DIAPH3: variants seen among roughly 807,000 people sequenced by gnomAD.
DIAPH3 encodes diaphanous related formin 3.
In DIAPH3, 117 loss-of-function variants were observed where a neutral mutation model predicts 144.3. The observed-to-expected ratio is 0.81, with a 90% CI of 0.70 to 0.95. The LOEUF (loss-of-function observed/expected upper bound fraction) is 0.95. Ranked by LOEUF, DIAPH3 falls within the 40% of genes least tolerant of loss-of-function variation. The pLI, the probability that DIAPH3 is intolerant of heterozygous loss-of-function variation, is 0.00. For synonymous variants in DIAPH3, 519 were observed against 488.9 expected, an observed-to-expected ratio of 1.06 and a Z score of -0.81; for missense variants, 1,421 against 1,412.7, an observed-to-expected ratio of 1.01 and a Z score of -0.09.
At position 59,970,975 on chromosome 13, in the gene DIAPH3, T is replaced by TGGA; in HGVS notation, c.1833_1835dup (p.Pro615dup). On this transcript the variant is annotated inframe_insertion, in exon 16 of 28. Coordinates refer to ENST00000400324, the MANE Select transcript of DIAPH3 (RefSeq NM_001042517.2). Reference sequence around the variant, plus strand: ...CTCCAAGGAATCCCAGGGGAGGTGGTGGAGGCACAGGACCACTGAATGGCA... The same window carrying TGGA: ...CTCCAAGGAATCCCAGGGGAGGTGGTGGAGGAGGCACAGGACCACTGAATGGCA... 6.2e-7 allele frequency: 1 copy of TGGA among 1,613,460 alleles called. No individual in the cohort carries two copies. Among genetic ancestry groups the TGGA allele is most frequent in the Non-Finnish European group, 8.5e-7 (1 of 1,179,802 alleles).
At chr13:60,056,425 T>C (rs1234126042) in intron 4 of DIAPH3, among the ~76,000 whole-genome samples, 1 of 151,838 alleles carries the variant, frequency 6.6e-6, no homozygotes, top group Admixed American at 6.6e-5. Context: ...GTATTTCATA[T>C]ACACACATAC....
chr13:59,827,173 T>C (rs976822631), intron 24 of DIAPH3, among the ~76,000 whole-genome samples: 6 of 151,922 alleles, frequency 3.9e-5, no homozygotes, highest in Admixed American at 2.6e-4. Context: ...AAAGCCAAAA[T>C]TGACAAATGG....
intron 3 of DIAPH3, among the ~76,000 whole-genome samples, chr13:60,097,442 C>T (rs1239994229): frequency 6.6e-6 from 1 of 152,174 alleles, no homozygotes; most frequent in African/African-American, 2.4e-5. Flanking sequence ...ACCATGTGAT[C>T]TCTGCACACA....
chr13:59,831,555 C>A (rs953834991), intron 24 of DIAPH3, among the ~76,000 whole-genome samples: 9 of 151,916 alleles, frequency 5.9e-5, no homozygotes, highest in South Asian at 2.1e-4. Flanking sequence ...TTAGCATAGA[C>A]TGCCTGGAAG....
chr13:59,789,368 A>G (rs927727720), intron 25 of DIAPH3, among the ~76,000 whole-genome samples: 1 of 152,218 alleles, frequency 6.6e-6, no homozygotes, highest in African/African-American at 2.4e-5. Flanking sequence ...CTTAAGCTTG[A>G]CAAATGCTTA....
chr13:60,160,172 C>T lies in DIAPH3; in HGVS notation c.180+3415G>A, dbSNP rs191903383. On this transcript the variant is annotated intron_variant, in intron 1 of 27. Transcript: ENST00000400324. The stretch of plus-strand genomic sequence containing the variant: ...CCGAGAGGCGGAGCTTGCAGTGAGC[C>T]GAGATCACGCCTCTGCACTCCAGCC... Among the ~76,000 whole-genome samples, 304 of 152,018 alleles carry T rather than the reference C, an allele frequency of 2.0e-3. 2 individuals carry two copies. Among genetic ancestry groups the T allele is most frequent in the African/African-American group, 7.0e-3 (290 of 41,454 alleles).
intron 27 of DIAPH3, among the ~76,000 whole-genome samples, chr13:59,763,880 G>T (rs2037740335): frequency 2.6e-5 from 4 of 152,034 alleles, no homozygotes; most frequent in Admixed American, 2.0e-4. Context: ...AACATTTTGT[G>T]TGAATAAGTA....
intron 4 of DIAPH3, among the ~76,000 whole-genome samples, chr13:60,052,532 T>G (rs2056389358): frequency 6.6e-6 from 1 of 152,066 alleles, no homozygotes; most frequent in South Asian, 2.1e-4. Context: ...GTATAAGAAG[T>G]CTGTCATACA....
intron 9 of DIAPH3, among the ~76,000 whole-genome samples, chr13:60,001,019 C>T (rs183929771): frequency 3.4e-4 from 52 of 152,258 alleles, no homozygotes; most frequent in African/African-American, 1.2e-3. Flanking sequence ...CTGGGTCTCT[C>T]ATATTTCATT....
intron 17 of DIAPH3, among the ~76,000 whole-genome samples, chr13:59,933,872 G>A (rs1224162581): frequency 1.3e-5 from 2 of 152,048 alleles, no homozygotes; most frequent in African/African-American, 4.8e-5. Context: ...GCAAAATTAT[G>A]TAAAGAATAT....
chr13:60,043,674 C>A (rs1266217383), intron 4 of DIAPH3, among the ~76,000 whole-genome samples: 1 of 152,106 alleles, frequency 6.6e-6, no homozygotes, highest in Non-Finnish European at 1.5e-5. Flanking sequence ...ATTCAACAAA[C>A]ATTAAGTACC....
rs76297410 is a variant in DIAPH3 at position 59,892,255 on chromosome 13, G to C, written c.2368-12787C>G. Reference sequence around the variant, plus strand: ...AGGAAGTGGCATTTGGGCCCAAGAGGAAACAGCAAGAGGAAAACCTAAAAT... The same window carrying C: ...AGGAAGTGGCATTTGGGCCCAAGAGCAAACAGCAAGAGGAAAACCTAAAAT... On this transcript the variant is annotated intron_variant, in intron 20 of 27. Transcript: ENST00000400324. Among the ~76,000 whole-genome samples, 1,240 of 151,984 alleles carry C rather than the reference G, an allele frequency of 8.2e-3. 12 individuals are homozygous for C. The highest frequency in any genetic ancestry group is 0.013 in the Non-Finnish European group (886 of 67,902).
intron 4 of DIAPH3, among the ~76,000 whole-genome samples, chr13:60,078,948 A>C (rs2057459516): frequency 6.6e-6 from 1 of 152,014 alleles, no homozygotes; most frequent in South Asian, 2.1e-4. Flanking sequence ...CCAGGATTAG[A>C]AAAGCAGGGC....
At chr13:60,090,003 T>C (rs1019550601) in intron 4 of DIAPH3, among the ~76,000 whole-genome samples, 8 of 152,164 alleles carry the variant, frequency 5.3e-5, no homozygotes, top group African/African-American at 1.9e-4. Flanking sequence ...ATGAAGAGTC[T>C]AGGGGCAGGA....
chr13:59,902,054 C>T (rs2140181748), intron 20 of DIAPH3, among the ~76,000 whole-genome samples: 1 of 152,298 alleles, frequency 6.6e-6, no homozygotes, highest in Non-Finnish European at 1.5e-5. Context: ...ATTAAAAAGC[C>T]TCTAATTTTC....
intron 27 of DIAPH3, among the ~76,000 whole-genome samples, chr13:59,757,435 C>G (rs1432685948): frequency 9.2e-6 from 1 of 108,850 alleles, no homozygotes; most frequent in African/African-American, 3.7e-5. Flanking sequence ...GAGTCTTGCT[C>G]TGTCACCCAG....
At chr13:60,074,780 T>A (rs966320611) in intron 4 of DIAPH3, among the ~76,000 whole-genome samples, 10 of 152,148 alleles carry the variant, frequency 6.6e-5, no homozygotes, top group East Asian at 1.9e-4. Flanking sequence ...CTTTTTTTTT[T>A]AAATATTGGG....
intron 27 of DIAPH3, among the ~76,000 whole-genome samples, chr13:59,760,099 G>T (rs1255745116): frequency 6.6e-6 from 1 of 152,194 alleles, no homozygotes; most frequent in East Asian, 1.9e-4. Flanking sequence ...TAATAAGACT[G>T]TCAGAGATTT....
intron 18 of DIAPH3, among the ~76,000 whole-genome samples, chr13:59,917,665 C>T (rs1244601767): frequency 2.6e-5 from 4 of 151,652 alleles, no homozygotes; most frequent in South Asian, 2.1e-4. Flanking sequence ...CAGAGGCAGG[C>T]GGATCACGAG....
Sources: allele counts gnomAD v4.1 joint callset (sites outside exome capture counted in the v4.1 genomes callset), GRCh38; gene constraint gnomAD v4.1.1; transcripts MANE v1.5; gene names NCBI Gene and HGNC (gene_info 2026-07-23, HGNC 2026-07-21).